PPFIA3: variants seen among roughly 807,000 people sequenced by gnomAD.
PPFIA3 encodes liprin-alpha-3.
PPFIA3 carries 26 observed loss-of-function variants against 145.8 expected under a neutral mutation model. That is an observed-to-expected ratio of 0.18 (90% CI 0.13 to 0.25). The LOEUF is 0.25. Ranked by LOEUF, PPFIA3 falls within the 10% of genes least tolerant of loss-of-function variation. The pLI is 1.00. For synonymous variants in PPFIA3, 645 were observed against 661.4 expected, an observed-to-expected ratio of 0.98 and a Z score of 0.38; for missense variants, 1,008 against 1,587.8, an observed-to-expected ratio of 0.63 and a Z score of 6.21.
rs900804385 is a variant in PPFIA3 at position 49,130,247 on chromosome 19, C to T, written c.658-131C>T. The T allele has an allele frequency of 2.3e-5, 26 of 1,142,182 alleles. No individual in the cohort carries two copies. Among genetic ancestry groups the T allele is most frequent in the Non-Finnish European group, 3.1e-5 (25 of 814,086 alleles). 70.8% of individuals were successfully genotyped at this position (1,142,182 alleles called of 1,614,324 possible). On this transcript the variant is annotated intron_variant, in intron 6 of 29. Transcript: ENST00000334186. The surrounding 1 kb of genome is among the most constrained non-coding windows in gnomAD (Gnocchi z 4.5). ...AACTTCTGTGACCTCCTTCACTGACCCCCGTGGACTCTGACCAGCATGATC... is the reference window on the plus strand; with the variant it reads ...AACTTCTGTGACCTCCTTCACTGACTCCCGTGGACTCTGACCAGCATGATC...
At position 49,130,361 on chromosome 19, in the gene PPFIA3, T is replaced by C; in HGVS notation, c.658-17T>C. On this transcript the variant is annotated splice_polypyrimidine_tract_variant and intron_variant, in intron 6 of 29. Coordinates refer to ENST00000334186, the MANE Select transcript of PPFIA3 (RefSeq NM_003660.4). The surrounding 1 kb of genome is among the most constrained non-coding windows in gnomAD (Gnocchi z 4.5). ...GGAGACACTCTGGGATCTTGTCCCC[T>C]CCTTCCCTCACTCCAGACTCTTGCC... 6.3e-7 allele frequency: 1 copy of C among 1,579,216 alleles called. No homozygotes were observed. Among genetic ancestry groups the C allele is most frequent in the Non-Finnish European group, 8.6e-7 (1 of 1,159,806 alleles).
At chr19:49,141,625 T>C in intron 19 of PPFIA3, 112 bp downstream of exon 19, 1 of 775,098 alleles carries the variant, frequency 1.3e-6, no homozygotes, top group Non-Finnish European at 2.0e-6. Context: ...TGAGAGGGTG[T>C]GTGAGTGTGT....
chr19:49,146,371 G>T, intron 23 of PPFIA3, 179 bp downstream of exon 23: 1 of 737,340 alleles, frequency 1.4e-6, no homozygotes, highest in East Asian at 2.7e-5. Context: ...GAGGGTAGAG[G>T]GGATGCGATG....
At chr19:49,147,733 A>G (rs964865117) in intron 23 of PPFIA3, among the ~76,000 whole-genome samples, 2 of 91,468 alleles carry the variant, frequency 2.2e-5, no homozygotes, top group Non-Finnish European at 4.3e-5. Context: ...AAAGAAATTT[A>G]AAAATAAATA....
rs767073111 is a variant in PPFIA3, at chr19:49,134,957, G to A, written c.1520+42G>A. Reference sequence around the variant, plus strand: ...TGCCCTGCCCCCACCATGGAGCCCCGTTGGCCAAGCGCCAAGCTCCTCCCT... The same window carrying A: ...TGCCCTGCCCCCACCATGGAGCCCCATTGGCCAAGCGCCAAGCTCCTCCCT... On this transcript the variant is annotated intron_variant, in intron 13 of 29. Coordinates refer to ENST00000334186, the MANE Select transcript of PPFIA3 (RefSeq NM_003660.4). The A allele has an allele frequency of 6.0e-6, 9 of 1,497,098 alleles. No individual in the cohort carries two copies. In the South Asian group the frequency reaches 6.8e-5, roughly 11 times the overall value. The allele number at this position is 1,497,098 out of a possible 1,614,324, so 92.7% of individuals were successfully genotyped here.
chr19:49,136,770 C>T lies in PPFIA3; in HGVS notation c.1712C>T (p.Pro571Leu). 1 of 1,582,908 alleles carries T rather than the reference C, an allele frequency of 6.3e-7. No homozygotes were observed. Among genetic ancestry groups the T allele is most frequent in the Non-Finnish European group, 8.6e-7 (1 of 1,163,768 alleles). Residue 571 changes from proline (P) to leucine (L), a missense_variant, in exon 15 of 30, where the codon CCT becomes CTT. This residue lies in a region of PPFIA3 where 121 missense variants were observed against 138.2 expected (regional missense o/e 0.88). Transcript: ENST00000334186. ...GCGGGCTCCATACCACCCCCATTCC[C>T]TGGGGAACTGGACGGCTCCGATGAG... ...APAGSIPPPF[P>L]GELDGSDEEE... is the part of the protein sequence containing the mutation.
chr19:49,121,654 T>C (rs1277595638), intron 1 of PPFIA3, among the ~76,000 whole-genome samples: 1 of 152,008 alleles, frequency 6.6e-6, no homozygotes, highest in Non-Finnish European at 1.5e-5. Context: ...CACATGCCTG[T>C]AATCCCAGCT....
chr19:49,126,560 C>CT (rs762895281), intron 1 of PPFIA3, among the ~76,000 whole-genome samples: 31,425 of 118,704 alleles, frequency 0.26, 5,066 homozygotes, highest in African/African-American at 0.44. Context: ...CCTGGCCTTG[C>CT]TTTTTTTTTT....
At chr19:49,129,895 A>G (rs1244044830) in intron 5 of PPFIA3, 98 bp from the exon 6 acceptor site, 28 of 1,304,780 alleles carry the variant, frequency 2.1e-5, no homozygotes, top group South Asian at 1.2e-5. Flanking sequence ...GGCATCTCAT[A>G]TGGGGCCGCC....
chr19:49,134,315 G>C, intron 11 of PPFIA3, 150 bp downstream of exon 11: 2 of 1,126,132 alleles, frequency 1.8e-6, no homozygotes, highest in Non-Finnish European at 2.5e-6. Context: ...CTGCTCTATT[G>C]CCCAGACCGC....
chr19:49,123,590 T>C (rs897029713), intron 1 of PPFIA3, among the ~76,000 whole-genome samples: 5 of 151,902 alleles, frequency 3.3e-5, no homozygotes, highest in Non-Finnish European at 5.9e-5. Flanking sequence ...TACAGGTGTG[T>C]ACCACCATGC....
intron 7 of PPFIA3, among the ~76,000 whole-genome samples, chr19:49,131,515 T>C (rs532280985): frequency 2.0e-5 from 3 of 151,904 alleles, no homozygotes; most frequent in African/African-American, 7.2e-5. Flanking sequence ...ATTTCACCCC[T>C]TTCTGGCTTA....
chr19:49,129,354 G>T (rs1189399837), intron 4 of PPFIA3, 26 bp from the exon 5 acceptor site: 1 of 1,548,330 alleles, frequency 6.5e-7, no homozygotes, highest in Admixed American at 2.0e-5. Context: ...GTCTCCAGCT[G>T]ACTGTTGCCC....
At chr19:49,148,302 C>T in intron 24 of PPFIA3, 44 bp downstream of exon 24, 1 of 1,578,136 alleles carries the variant, frequency 6.3e-7, no homozygotes, top group South Asian at 1.2e-5. Flanking sequence ...AGGGAAGCCC[C>T]ACCCCAGAGA....
At chr19:49,138,049 G>C (rs554789450) in intron 15 of PPFIA3, among the ~76,000 whole-genome samples, 156 bp from the exon 16 acceptor site, 2 of 152,118 alleles carry the variant, frequency 1.3e-5, no homozygotes, top group Non-Finnish European at 2.9e-5. Flanking sequence ...GAGCCTGGAA[G>C]GCCTTCAGAA....
intron 25 of PPFIA3, 103 bp from the exon 26 acceptor site, chr19:49,148,890 G>A: frequency 6.4e-7 from 1 of 1,565,100 alleles, no homozygotes; most frequent in East Asian, 2.3e-5. Context: ...GAGCCAGCGT[G>A]GGGGGCGTGG....
intron 16 of PPFIA3, 137 bp downstream of exon 16, chr19:49,138,564 A>G: frequency 1.5e-6 from 1 of 658,768 alleles, no homozygotes; most frequent in Non-Finnish European, 2.2e-6. Context: ...AAAGGTTCAA[A>G]CTCAAAGGGC....
At chr19:49,148,922 T>C (rs1187329776) in intron 25 of PPFIA3, 71 bp from the exon 26 acceptor site, 15 of 1,587,594 alleles carry the variant, frequency 9.4e-6, no homozygotes, top group Non-Finnish European at 1.1e-5. Context: ...CAAATGGAGG[T>C]GGAGGTATGG....
intron 28 of PPFIA3, 45 bp from the exon 29 acceptor site, chr19:49,150,035 G>C (rs772551616): frequency 6.3e-7 from 1 of 1,575,750 alleles, no homozygotes; most frequent in Non-Finnish European, 8.6e-7. Context: ...AGAGGAACAG[G>C]GAGGAGGGTG....
Sources: allele counts gnomAD v4.1 joint callset (sites outside exome capture counted in the v4.1 genomes callset), GRCh38; gene constraint gnomAD v4.1.1; regional missense constraint gnomAD v4.1.1; non-coding constraint Gnocchi (gnomAD v3.1); transcripts MANE v1.5; gene names NCBI Gene and HGNC (gene_info 2026-07-23, HGNC 2026-07-21).